Variants in PSMD1 observed in about 807,000 individuals in gnomAD.
PSMD1 encodes proteasome 26S subunit, non-ATPase 1.
A neutral mutation model predicts 119.0 loss-of-function variants in PSMD1; 18 were observed. The ratio of observed to expected loss-of-function variants is 0.15; its 90% confidence interval spans 0.10 to 0.22. The LOEUF is 0.22. Among genes scored for constraint, PSMD1 ranks in the 10% least tolerant of loss-of-function variants. The probability of loss-of-function intolerance (pLI) is 1.00; values close to 1 mark genes in which losing one functional copy is unlikely to be tolerated. For synonymous variants in PSMD1, 374 were observed against 396.6 expected (o/e 0.94, Z 0.68); for missense variants, 702 against 1,158.5 (o/e 0.61, Z 5.72).
chr2:231,126,502 CT>C (rs1695724189), intron 16 of PSMD1, among the ~76,000 whole-genome samples: 1 of 152,006 alleles, frequency 6.6e-6, no homozygotes, highest in African/African-American at 2.4e-5. Context: ...GTGAGTTACA[CT>C]TTGACATCTG....
At chr2:231,122,793 A>C (rs979945163) in intron 16 of PSMD1, among the ~76,000 whole-genome samples, 3 of 152,178 alleles carry the variant, frequency 2.0e-5, no homozygotes, top group Non-Finnish European at 2.9e-5. Context: ...TATATCATAA[A>C]AAAATTGAAT....
chr2:231,078,687 C>G lies in PSMD1; in HGVS notation c.1100C>G (p.Thr367Ser), dbSNP rs1382132025. 6.2e-7 allele frequency: 1 copy of G among 1,609,862 alleles called. No homozygotes were observed. The highest frequency in any genetic ancestry group is 1.1e-5 in the South Asian group (1 of 89,676). ...GCAGTACGGAATTCTGTATGTCATACTGCAACCGTTATAGCAAACTCTTTT... is the reference window on the plus strand; with the variant it reads ...GCAGTACGGAATTCTGTATGTCATAGTGCAACCGTTATAGCAAACTCTTTT... ...KDAVRNSVCHTATVIANSFMH... is the reference protein window; with the variant it reads ...KDAVRNSVCHSATVIANSFMH... Residue 367 changes from threonine (T) to serine (S), a missense_variant, in exon 10 of 25, where the codon ACT (threonine) becomes AGT (serine). Thr to Ser is a moderately conservative substitution (Grantham distance 58). Coordinates refer to ENST00000308696, the MANE Select transcript of PSMD1 (RefSeq NM_002807.4).
chr2:231,108,447 A>G, intron 16 of PSMD1: 1 of 1,109,800 alleles, frequency 9.0e-7, no homozygotes, highest in Non-Finnish European at 1.4e-6. Context: ...TATATAATAT[A>G]TTCTTGGCAC....
intron 16 of PSMD1, among the ~76,000 whole-genome samples, chr2:231,120,198 C>T (rs539153641): frequency 1.3e-5 from 2 of 152,224 alleles, no homozygotes; most frequent in South Asian, 4.1e-4. Context: ...GTGATCCATC[C>T]GTTTCAGCCT....
Position 231,070,033 on chromosome 2 carries a change from C to T in PSMD1, c.519C>T (p.Val173=), listed in dbSNP as rs1694004023. ...FEKTILESND[V]PGMLAYSLKL... Reference sequence around the variant, plus strand: ...TAAACTATCTCTTTCAGAATGATGTCCCAGGAATGTTAGCTTATAGCCTTA... The same window carrying T: ...TAAACTATCTCTTTCAGAATGATGTTCCAGGAATGTTAGCTTATAGCCTTA... The change falls in exon 6 of 25, where the codon GTC becomes GTT. Residue 173 remains valine, a synonymous_variant. Coordinates refer to ENST00000308696, the MANE Select transcript of PSMD1 (RefSeq NM_002807.4). 3 of 1,461,394 alleles carry T rather than the reference C, an allele frequency of 2.1e-6. No homozygotes were observed. The highest frequency in any genetic ancestry group is 2.7e-6 in the Non-Finnish European group (3 of 1,100,554). The allele number at this position is 1,461,394 out of a possible 1,614,324, so 90.5% of individuals were successfully genotyped here.
intron 7 of PSMD1, among the ~76,000 whole-genome samples, chr2:231,072,746 A>T (rs1286177514): frequency 1.3e-5 from 2 of 152,168 alleles, no homozygotes; most frequent in Admixed American, 6.6e-5. Context: ...GGTTAGATAT[A>T]TCTGGGTTAG....
chr2:231,141,948 T>TCTCG (rs1696129257), intron 17 of PSMD1, among the ~76,000 whole-genome samples: 1 of 152,192 alleles, frequency 6.6e-6, no homozygotes, highest in Non-Finnish European at 1.5e-5. Context: ...AGTGGTGCAA[T>TCTCG]CTCGGCTCAC....
chr2:231,138,689 A>C (rs914120347), intron 16 of PSMD1, 47 bp from the exon 17 acceptor site: 2 of 1,409,418 alleles, frequency 1.4e-6, no homozygotes, highest in Non-Finnish European at 2.0e-6. Flanking sequence ...GTCTTAACTT[A>C]AAATAGATTA....
intron 7 of PSMD1, among the ~76,000 whole-genome samples, chr2:231,074,470 T>C (rs1264507396): frequency 3.9e-5 from 6 of 152,244 alleles, no homozygotes; most frequent in African/African-American, 1.4e-4. Context: ...TTAAGGCTTA[T>C]GTGTGGTGGT....
intron 16 of PSMD1, among the ~76,000 whole-genome samples, chr2:231,136,936 AATATATATTATATTTACATATAGTAT>A (rs1695979324): frequency 1.4e-5 from 2 of 145,184 alleles, no homozygotes; most frequent in Admixed American, 1.4e-4. Context: ...TTATATATAT[AATATATATTATATTTACATATAGTAT>A]ATATATATTA....
chr2:231,109,549 G>A (rs1310982250), intron 16 of PSMD1: 32 of 724,128 alleles, frequency 4.4e-5, no homozygotes, highest in East Asian at 8.0e-5. Flanking sequence ...AGGATTTGTC[G>A]AAGCATTCAT....
intron 16 of PSMD1, among the ~76,000 whole-genome samples, chr2:231,129,282 G>A (rs1013510320): frequency 6.6e-6 from 1 of 152,132 alleles, no homozygotes; most frequent in Non-Finnish European, 1.5e-5. Flanking sequence ...TTCTTAGTTT[G>A]CTGATTAGAA....
chr2:231,120,947 C>T (rs554306831), intron 16 of PSMD1, among the ~76,000 whole-genome samples: 19 of 152,236 alleles, frequency 1.2e-4, no homozygotes, highest in African/African-American at 4.3e-4. Flanking sequence ...TATTAACTTG[C>T]AAAAGGTTAT....
At chr2:231,109,925 ACTT>A (rs1259577340) in intron 16 of PSMD1, among the ~76,000 whole-genome samples, 6 of 152,260 alleles carry the variant, frequency 3.9e-5, no homozygotes, top group African/African-American at 1.2e-4. Context: ...TTTCCATCTA[ACTT>A]CTTAGGGAAA....
intron 16 of PSMD1, among the ~76,000 whole-genome samples, chr2:231,104,432 A>G (rs953629104): frequency 2.0e-5 from 3 of 152,250 alleles, no homozygotes; most frequent in South Asian, 2.1e-4. Flanking sequence ...CTCTTTTCAT[A>G]AAACGAATCT....
chr2:231,074,784 T>G (rs1376622608), intron 7 of PSMD1, among the ~76,000 whole-genome samples: 1 of 152,192 alleles, frequency 6.6e-6, no homozygotes, highest in Non-Finnish European at 1.5e-5. Context: ...CTCCAGTATT[T>G]CCTCTTCTGT....
chr2:231,147,103 C>T lies in PSMD1; in HGVS notation c.2115+747C>T, dbSNP rs75501948. Among the ~76,000 whole-genome samples the T allele has an allele frequency of 5.3e-5, 8 of 152,330 alleles. No homozygotes were observed. The East Asian group carries it at 9.6e-4, about 18-fold the overall frequency. On this transcript the variant is annotated intron_variant, in intron 18 of 24. Coordinates refer to ENST00000308696, the MANE Select transcript of PSMD1 (RefSeq NM_002807.4). ...TGGAGTGAGGGGGAAAGACTCACAACCCAGCTTGCCCCAAAGAGATCCTCT... is the reference window on the plus strand; with the variant it reads ...TGGAGTGAGGGGGAAAGACTCACAATCCAGCTTGCCCCAAAGAGATCCTCT...
chr2:231,127,802 AG>A (rs1190865193), intron 16 of PSMD1, among the ~76,000 whole-genome samples: 3 of 152,274 alleles, frequency 2.0e-5, no homozygotes, highest in Non-Finnish European at 4.4e-5. Context: ...GAAATATAAA[AG>A]TATGATTCTT....
intron 16 of PSMD1, among the ~76,000 whole-genome samples, chr2:231,135,966 C>T (rs960456628): frequency 2.6e-5 from 4 of 152,138 alleles, no homozygotes; most frequent in Non-Finnish European, 5.9e-5. Context: ...TCATAAACTT[C>T]GTTCTACTCC....
Sources: gnomAD v4.1 joint callset for allele counts (sites outside exome capture counted in the v4.1 genomes callset) on GRCh38, gnomAD v4.1.1 for gene constraint, MANE v1.5 for transcripts, NCBI Gene and HGNC (gene_info 2026-07-23, HGNC 2026-07-21) for gene names.